CCSER1: variants seen among roughly 807,000 people sequenced by gnomAD.
The protein encoded by CCSER1 is serine-rich coiled-coil domain-containing protein 1.
In CCSER1, 41 loss-of-function variants were observed where a neutral mutation model predicts 82.0. The observed-to-expected ratio is 0.50, with a 90% CI of 0.39 to 0.65. The LOEUF (loss-of-function observed/expected upper bound fraction) is 0.65, where lower values mean the gene tolerates loss of function less well. Among genes scored for constraint, CCSER1 ranks in the 30% least tolerant of loss-of-function variants. The pLI is 0.00. For synonymous variants in CCSER1, 414 were observed against 383.9 expected (o/e 1.08, Z -0.92); for missense variants, 1,119 against 1,064.2 (o/e 1.05, Z -0.72).
chr4:90,589,900 A>G (rs2148682514), intron 5 of CCSER1, among the ~76,000 whole-genome samples: 1 of 152,328 alleles, frequency 6.6e-6, no homozygotes, highest in South Asian at 2.1e-4. Flanking sequence ...ATTTTGAAAA[A>G]CTTCAGATCA....
chr4:91,442,832 A>C lies in CCSER1; in HGVS notation c.2218-155740A>C, dbSNP rs1284577281. On this transcript the variant is annotated intron_variant, in intron 10 of 10. Transcript: ENST00000509176. ...GCAAAGGACATGAACAGACACTTCT[A>C]AAAAGAAGACATTTATGCAGCCAAA... is the stretch of plus-strand genomic sequence containing the variant. Among the ~76,000 whole-genome samples the C allele has an allele frequency of 3.9e-3, 589 of 150,436 alleles. 4 individuals carry two copies. The highest frequency in any genetic ancestry group is 0.013 in the African/African-American group (543 of 40,986).
At chr4:90,493,665 A>G (rs1204334299) in intron 5 of CCSER1, among the ~76,000 whole-genome samples, 1 of 152,170 alleles carries the variant, frequency 6.6e-6, no homozygotes, top group Non-Finnish European at 1.5e-5. Context: ...CAGCCAAACT[A>G]AGCTTCATAA....
chr4:91,297,385 A>ATGTGTATGTGTG (rs1474514455), intron 10 of CCSER1, among the ~76,000 whole-genome samples: 4 of 117,988 alleles, frequency 3.4e-5, no homozygotes, highest in Admixed American at 8.1e-5. Context: ...GTGTGTGTGT[A>ATGTGTATGTGTG]TGTGTGTGTG....
At chr4:90,414,466 TTAAATAAA>T (rs1292026502) in intron 4 of CCSER1, among the ~76,000 whole-genome samples, 1 of 152,116 alleles carries the variant, frequency 6.6e-6, no homozygotes, top group African/African-American at 2.4e-5. Context: ...TGTTTCTCCT[TTAAATAAA>T]TAATTTATAA....
In CCSER1 at chr4:90,302,536, C is replaced by G. The variant is rs28578524; in HGVS notation, c.-41-5708C>G. On this transcript the variant is annotated intron_variant, in intron 1 of 10. Coordinates refer to ENST00000509176, the MANE Select transcript of CCSER1 (RefSeq NM_001145065.2). Reference sequence around the variant, plus strand: ...GCAGTCATGACCAAGTGCAGTGGCTCATGCCTGTACTCCCAACACTTTGGG... The same window carrying G: ...GCAGTCATGACCAAGTGCAGTGGCTGATGCCTGTACTCCCAACACTTTGGG... 6.0e-3 allele frequency among the ~76,000 whole-genome samples: 918 copies of G among 152,294 alleles called. 8 individuals are homozygous for G. The highest frequency in any genetic ancestry group is 0.021 in the African/African-American group (889 of 41,550).
Position 90,737,321 on chromosome 4 carries a change from C to T in CCSER1, c.2010+13330C>T, listed in dbSNP as rs972806423. On this transcript the variant is annotated intron_variant, in intron 7 of 10. Transcript: ENST00000509176. ...CAGGTTTGGTGTTAACAAAATCCCT[C>T]GTCTTTTGTTTGACTGAGAACATCT... Among the ~76,000 whole-genome samples, 4 of 152,216 alleles carry T rather than the reference C, an allele frequency of 2.6e-5. No individual in the cohort carries two copies. The East Asian group carries it at 5.8e-4, about 22-fold the overall frequency.
chr4:90,438,489 C>T (rs1759370812), intron 4 of CCSER1, among the ~76,000 whole-genome samples: 1 of 151,348 alleles, frequency 6.6e-6, no homozygotes, highest in Non-Finnish European at 1.5e-5. Context: ...AGGTGATTTA[C>T]CAAAAAAACA....
intron 10 of CCSER1, among the ~76,000 whole-genome samples, chr4:91,423,382 A>C (rs1753790418): frequency 6.6e-6 from 1 of 152,042 alleles, no homozygotes; most frequent in Non-Finnish European, 1.5e-5. Flanking sequence ...GTAGGTTGAG[A>C]TCATGCCACT....
chr4:90,961,159 A>G (rs1237476851), intron 9 of CCSER1, among the ~76,000 whole-genome samples: 2 of 152,286 alleles, frequency 1.3e-5, no homozygotes, highest in East Asian at 1.9e-4. Flanking sequence ...CAGACCTCCC[A>G]GGTTAAAATT....
At chr4:90,835,765 C>T (rs941497528) in intron 8 of CCSER1, among the ~76,000 whole-genome samples, 2 of 152,080 alleles carry the variant, frequency 1.3e-5, no homozygotes, top group African/African-American at 4.8e-5. Flanking sequence ...TTTAATTTTG[C>T]CAAGCTGAAA....
chr4:91,580,817 G>A (rs1484098278), intron 10 of CCSER1, among the ~76,000 whole-genome samples: 1 of 151,542 alleles, frequency 6.6e-6, no homozygotes, highest in Non-Finnish European at 1.5e-5. Context: ...CATTACAGAT[G>A]CTTCATTTTT....
intron 9 of CCSER1, among the ~76,000 whole-genome samples, chr4:90,999,395 T>C (rs527732730): frequency 2.0e-5 from 3 of 152,314 alleles, no homozygotes; most frequent in African/African-American, 7.2e-5. Context: ...CAACATCTGT[T>C]GTTTTTTAGC....
intron 6 of CCSER1, among the ~76,000 whole-genome samples, chr4:90,635,385 A>T (rs1046210991): frequency 6.6e-6 from 1 of 151,714 alleles, no homozygotes; most frequent in Non-Finnish European, 1.5e-5. Context: ...AATGGAATGA[A>T]ACTAGGAATC....
chr4:90,722,327 T>C (rs2149369227), intron 6 of CCSER1, among the ~76,000 whole-genome samples: 1 of 151,994 alleles, frequency 6.6e-6, no homozygotes, highest in African/African-American at 2.4e-5. Context: ...CTTAAATTCT[T>C]GTGAGAAATC....
chr4:91,515,319 G>A (rs1760048185), intron 10 of CCSER1, among the ~76,000 whole-genome samples: 1 of 152,046 alleles, frequency 6.6e-6, no homozygotes, highest in Non-Finnish European at 1.5e-5. Context: ...ATGAGGCATA[G>A]TACCTTGTAG....
chr4:91,467,123 G>A (rs7654401), intron 10 of CCSER1, among the ~76,000 whole-genome samples: 121,764 of 151,994 alleles, frequency 0.8, 48,957 homozygotes, highest in East Asian at 0.93. Context: ...AGGCTACAGT[G>A]ACCAAAACAG....
intron 5 of CCSER1, among the ~76,000 whole-genome samples, chr4:90,500,737 C>T (rs142694861): frequency 2.0e-5 from 3 of 152,192 alleles, no homozygotes; most frequent in Admixed American, 6.6e-5. Context: ...AGAAAACAAA[C>T]AAACAAATAA....
chr4:90,689,623 A>G (rs1735453242), intron 6 of CCSER1, among the ~76,000 whole-genome samples: 1 of 152,094 alleles, frequency 6.6e-6, no homozygotes, highest in African/African-American at 2.4e-5. Flanking sequence ...CGTAGATTGG[A>G]TACTCCAATT....
chr4:90,689,472 T>G (rs1285109520), intron 6 of CCSER1, among the ~76,000 whole-genome samples: 1 of 152,166 alleles, frequency 6.6e-6, no homozygotes, highest in Non-Finnish European at 1.5e-5. Flanking sequence ...TTGATATAGA[T>G]AAAATTGAAC....
Sources: gnomAD v4.1 joint callset for allele counts (sites outside exome capture counted in the v4.1 genomes callset) on GRCh38, gnomAD v4.1.1 for gene constraint, MANE v1.5 for transcripts, NCBI Gene and HGNC (gene_info 2026-07-23, HGNC 2026-07-21) for gene names.